The following GAS2 variants were observed in gnomAD, a reference collection of about 807,000 sequenced individuals.
GAS2 encodes growth arrest-specific protein 2.
A neutral mutation model predicts 37.5 loss-of-function variants in GAS2; 20 were observed. The ratio of observed to expected loss-of-function variants is 0.53; its 90% CI spans 0.37 to 0.77. The LOEUF is 0.77. Among genes scored for constraint, GAS2 ranks in the 30% least tolerant of loss-of-function variants. The pLI is 0.00. For synonymous variants in GAS2, 144 were observed against 132.2 expected, an observed-to-expected ratio of 1.09 and a Z score of -0.61; for missense variants, 336 against 373.4, an observed-to-expected ratio of 0.90 and a Z score of 0.82.
chr11:22,779,256 T>C (rs1855428151), intron 7 of GAS2, among the ~76,000 whole-genome samples: 1 of 152,262 alleles, frequency 6.6e-6, no homozygotes, highest in East Asian at 1.9e-4. Context: ...GTTTTGGAGA[T>C]GATGGAGAGA....
intron 1 of GAS2, chr11:22,626,298 CA>C (rs1858652280): frequency 5.5e-6 from 1 of 180,420 alleles, no homozygotes; most frequent in Admixed American, 5.3e-5. Context: ...CTATTAATGC[CA>C]GGCGCTATGC....
chr11:22,757,600 T>C (rs1350516108), intron 7 of GAS2, among the ~76,000 whole-genome samples: 1 of 152,208 alleles, frequency 6.6e-6, no homozygotes, highest in Non-Finnish European at 1.5e-5. Context: ...TTATGACATG[T>C]TTTAGAATAG....
At position 22,748,628 on chromosome 11, in the gene GAS2, A is replaced by T. The variant is rs183709589; in HGVS notation, c.474-492A>T. Among the ~76,000 whole-genome samples, 135 of 152,196 alleles carry T rather than the reference A, an allele frequency of 8.9e-4. 2 individuals are homozygous for T. Among genetic ancestry groups the T allele is most frequent in the African/African-American group, 2.6e-3 (108 of 41,560 alleles). ...ACCCATAGTACAATGTTCTGGACCC[A>T]TAGGAAATATATTCAAAGTTAATTC... On this transcript the variant is annotated intron_variant, in intron 5 of 7. Transcript: ENST00000454584.
At position 22,812,628 on chromosome 11, in the gene GAS2, T is replaced by A. The variant is rs1590160223; in HGVS notation, c.*612T>A. On this transcript the variant is annotated 3_prime_UTR_variant, in exon 8 of 8. Coordinates refer to ENST00000454584, the MANE Select transcript of GAS2 (RefSeq NM_001143830.3). ...TATGACCAAATATCTGGGGTACTTT[T>A]AGAAGTTTTCAGTACACCCCCTTAG... 2 of 152,896 alleles carry A rather than the reference T, an allele frequency of 1.3e-5. No homozygotes were observed. The highest frequency in any genetic ancestry group is 3.8e-4 in the East Asian group (2 of 5,202). 9.5% of individuals were successfully genotyped at this position (152,896 alleles called of 1,614,324 possible).
At chr11:22,778,454 A>G (rs1423813918) in intron 7 of GAS2, among the ~76,000 whole-genome samples, 1 of 152,256 alleles carries the variant, frequency 6.6e-6, no homozygotes, top group African/African-American at 2.4e-5. Context: ...ATTTGATTCA[A>G]TGTAGAATAA....
chr11:22,797,771 C>T (rs1856498920), intron 7 of GAS2, among the ~76,000 whole-genome samples: 1 of 152,074 alleles, frequency 6.6e-6, no homozygotes, highest in African/African-American at 2.4e-5. Context: ...ACGCTGGCTG[C>T]TGCTAACTTT....
chr11:22,648,003 C>G (rs1047153800), intron 1 of GAS2, among the ~76,000 whole-genome samples: 3 of 152,142 alleles, frequency 2.0e-5, no homozygotes, highest in African/African-American at 7.2e-5. Context: ...TTGCCCATAC[C>G]TATGTCCTGA....
intron 7 of GAS2, among the ~76,000 whole-genome samples, chr11:22,800,137 G>A (rs11026796): frequency 0.3 from 46,223 of 151,960 alleles, 8,717 homozygotes; most frequent in Non-Finnish European, 0.41. Context: ...TGATAACTCT[G>A]GCATAGTAAG....
intron 1 of GAS2, among the ~76,000 whole-genome samples, chr11:22,633,465 T>C (rs970688165): frequency 2.6e-5 from 4 of 152,222 alleles, no homozygotes; most frequent in African/African-American, 7.2e-5. Flanking sequence ...AAGCTTATTT[T>C]GTTCCCCAGT....
At chr11:22,689,576 G>C (rs772564112) in intron 3 of GAS2, among the ~76,000 whole-genome samples, 2 of 152,122 alleles carry the variant, frequency 1.3e-5, no homozygotes, top group Admixed American at 6.5e-5. Flanking sequence ...GGCTACTATT[G>C]TTCATAAATA....
intron 5 of GAS2, among the ~76,000 whole-genome samples, chr11:22,739,570 C>G (rs867627784): frequency 1.3e-3 from 32 of 24,252 alleles, no homozygotes; most frequent in Middle Eastern, 0.033. Context: ...AAGATTCGCT[C>G]TCAAAAAAAA....
intron 1 of GAS2, among the ~76,000 whole-genome samples, chr11:22,646,923 A>C (rs562492356): frequency 7.8e-6 from 1 of 128,588 alleles, no homozygotes; most frequent in Admixed American, 7.9e-5. Flanking sequence ...CTTTTTTTTT[A>C]AATTTATTAT....
chr11:22,795,206 C>T (rs1856367507), intron 7 of GAS2, among the ~76,000 whole-genome samples: 1 of 152,104 alleles, frequency 6.6e-6, no homozygotes, highest in Non-Finnish European at 1.5e-5. Context: ...AAAGGATATA[C>T]TTATACTAAG....
intron 7 of GAS2, among the ~76,000 whole-genome samples, chr11:22,807,144 A>G (rs957565050): frequency 6.6e-6 from 1 of 152,190 alleles, no homozygotes; most frequent in Non-Finnish European, 1.5e-5. Flanking sequence ...CCTTCAAAGC[A>G]AGAGAGAAGC....
intron 3 of GAS2, among the ~76,000 whole-genome samples, chr11:22,724,936 C>A (rs1852125679): frequency 6.6e-6 from 1 of 151,912 alleles, no homozygotes; most frequent in Non-Finnish European, 1.5e-5. Flanking sequence ...TTATAACCAT[C>A]CTTGTAAATG....
chr11:22,677,109 G>A (rs1849463219), intron 2 of GAS2, among the ~76,000 whole-genome samples: 1 of 152,120 alleles, frequency 6.6e-6, no homozygotes, highest in South Asian at 2.1e-4. Context: ...CAGTAAATAA[G>A]CAATTGAATA....
intron 3 of GAS2, among the ~76,000 whole-genome samples, chr11:22,707,315 C>A (rs1851176289): frequency 6.6e-6 from 1 of 152,142 alleles, no homozygotes; most frequent in African/African-American, 2.4e-5. Flanking sequence ...CTTGTTGGCT[C>A]CCTGTCATGC....
intron 6 of GAS2, among the ~76,000 whole-genome samples, chr11:22,749,701 A>G (rs991006328): frequency 3.9e-5 from 6 of 152,048 alleles, no homozygotes; most frequent in African/African-American, 1.4e-4. Context: ...TATGAAAGGC[A>G]GGTTCCCTCT....
At chr11:22,757,864 A>G (rs1275707240) in intron 7 of GAS2, among the ~76,000 whole-genome samples, 2 of 149,410 alleles carry the variant, frequency 1.3e-5, no homozygotes, top group African/African-American at 4.8e-5. Context: ...CTGAAGGAGT[A>G]ATATGATTCT....
Sources: allele counts gnomAD v4.1 joint callset (sites outside exome capture counted in the v4.1 genomes callset), GRCh38; gene constraint gnomAD v4.1.1; transcripts MANE v1.5; gene names NCBI Gene and HGNC (gene_info 2026-07-23, HGNC 2026-07-21).